Variants in CLIC4 observed in about 807,000 individuals in gnomAD.
CLIC4 encodes chloride intracellular channel protein 4.
A neutral mutation model predicts 24.6 loss-of-function variants in CLIC4; 13 were observed. That is an observed-to-expected ratio of 0.53 (90% CI 0.34 to 0.84). The LOEUF (loss-of-function observed/expected upper bound fraction) is 0.84. CLIC4 is among the 40% of genes least tolerant of loss of function. The pLI is 0.01. For synonymous variants in CLIC4, 104 were observed against 111.3 expected (o/e 0.93, Z 0.41); for missense variants, 227 against 301.7 (o/e 0.75, Z 1.83).
chr1:24,775,607 A>T (rs1639129437), intron 1 of CLIC4, among the ~76,000 whole-genome samples: 1 of 148,390 alleles, frequency 6.7e-6, no homozygotes. Flanking sequence ...TCTACTGTTA[A>T]GCCAATCTAG....
At chr1:24,799,336 C>T (rs1399587570) in intron 2 of CLIC4, among the ~76,000 whole-genome samples, 5 of 151,692 alleles carry the variant, frequency 3.3e-5, no homozygotes, top group Non-Finnish European at 5.9e-5. Context: ...TCTGCCCGGC[C>T]GCAACCCCGT....
intron 3 of CLIC4, among the ~76,000 whole-genome samples, chr1:24,821,198 G>GAA (rs11400541): frequency 9.5e-4 from 138 of 145,316 alleles, no homozygotes; most frequent in African/African-American, 2.9e-3. Flanking sequence ...AAAGAAGAAG[G>GAA]AAAAAAAAAA....
At chr1:24,827,223 C>A in intron 4 of CLIC4, 107 bp downstream of exon 4, 3 of 670,812 alleles carry the variant, frequency 4.5e-6, no homozygotes, top group Non-Finnish European at 7.7e-6. Flanking sequence ...CCAGCCATTC[C>A]CATAAGTAAT....
chr1:24,787,101 T>G (rs750181108), intron 1 of CLIC4, among the ~76,000 whole-genome samples: 36 of 152,176 alleles, frequency 2.4e-4, no homozygotes, highest in Admixed American at 5.2e-4. Context: ...TTTTAAAATT[T>G]TTTGTGGTGA....
intron 1 of CLIC4, among the ~76,000 whole-genome samples, chr1:24,761,292 CAT>C (rs923956871): frequency 1.3e-5 from 2 of 151,928 alleles, no homozygotes; most frequent in Non-Finnish European, 2.9e-5. Context: ...GTTAAAGAAA[CAT>C]ATAAATAAGG....
chr1:24,802,628 C>T (rs1639503347), intron 2 of CLIC4, among the ~76,000 whole-genome samples: 1 of 151,880 alleles, frequency 6.6e-6, no homozygotes, highest in South Asian at 2.1e-4. Context: ...TCCCTACCCC[C>T]TAGTCATCAA....
intron 4 of CLIC4, among the ~76,000 whole-genome samples, chr1:24,836,929 A>C (rs1639891778): frequency 6.6e-6 from 1 of 152,262 alleles, no homozygotes; most frequent in Non-Finnish European, 1.5e-5. Flanking sequence ...AGATTGAAAA[A>C]GAATAAAGTG....
Position 24,779,962 on chromosome 1 carries a change from A to T in CLIC4, c.73-17780A>T, listed in dbSNP as rs549520953. On this transcript the variant is annotated intron_variant, in intron 1 of 5. Transcript: ENST00000374379. ...ATTTATTGTCTTAAATGGAAATCAGATTTTGCCCTTATCTTGCACCCATCA... is the reference window on the plus strand; with the variant it reads ...ATTTATTGTCTTAAATGGAAATCAGTTTTTGCCCTTATCTTGCACCCATCA... Among the ~76,000 whole-genome samples the T allele has an allele frequency of 3.3e-5, 5 of 152,142 alleles. No individual in the cohort carries two copies. In the East Asian group the frequency reaches 9.7e-4, roughly 29 times the overall value.
At chr1:24,769,133 C>T (rs940283383) in intron 1 of CLIC4, among the ~76,000 whole-genome samples, 2 of 151,218 alleles carry the variant, frequency 1.3e-5, no homozygotes, top group African/African-American at 4.8e-5. Context: ...TGTCTCAAAA[C>T]AAAAGAAAAC....
chr1:24,770,224 A>C (rs1413330933), intron 1 of CLIC4, among the ~76,000 whole-genome samples: 1 of 151,792 alleles, frequency 6.6e-6, no homozygotes, highest in African/African-American at 2.4e-5. Context: ...AAAATCATAT[A>C]CTAATTTGTT....
Position 24,842,265 on chromosome 1 carries a change from C to T in CLIC4, c.*1328C>T, listed in dbSNP as rs1483971814. On this transcript the variant is annotated 3_prime_UTR_variant, in exon 6 of 6. Coordinates refer to ENST00000374379, the MANE Select transcript of CLIC4 (RefSeq NM_013943.3). ...CCCTAAACCAGGAATTATTTGTGTT[C>T]TAACAGGAGGATGAACTTGCTGAAA... 1 of 152,018 alleles carries T rather than the reference C, an allele frequency of 6.6e-6. No individual in the cohort carries two copies. The highest frequency in any genetic ancestry group is 1.5e-5 in the Non-Finnish European group (1 of 67,978). 9.4% of individuals were successfully genotyped at this position (152,018 alleles called of 1,614,324 possible).
At chr1:24,804,381 T>G (rs1472033722) in intron 2 of CLIC4, among the ~76,000 whole-genome samples, 1 of 128,258 alleles carries the variant, frequency 7.8e-6, no homozygotes, top group Non-Finnish European at 1.6e-5. Flanking sequence ...TGTGTGTGCA[T>G]GTGTGTGGGT....
At chr1:24,829,401 A>G (rs749488478) in intron 4 of CLIC4, among the ~76,000 whole-genome samples, 38 of 152,208 alleles carry the variant, frequency 2.5e-4, no homozygotes, top group Non-Finnish European at 4.4e-4. Flanking sequence ...TAGATAACAC[A>G]TATATAATTC....
In CLIC4 at chr1:24,797,683, AT is replaced by A. The variant is rs1639419888; in HGVS notation, c.73-58del. ...TCTTGATTAAAATTCAGAAAAAGTT[AT>A]GTCATGTTGAGTATCATCACTTTGA... is the stretch of plus-strand genomic sequence containing the variant. On this transcript the variant is annotated intron_variant, in intron 1 of 5. Coordinates refer to ENST00000374379, the MANE Select transcript of CLIC4 (RefSeq NM_013943.3). 4 of 1,183,546 alleles carry A rather than the reference AT, an allele frequency of 3.4e-6. No homozygotes were observed. In the East Asian group the frequency reaches 1.0e-4, roughly 29 times the overall value. The allele number at this position is 1,183,546 out of a possible 1,614,324, so 73.3% of individuals were successfully genotyped here.
At chr1:24,810,821 C>G (rs567812146) in intron 2 of CLIC4, among the ~76,000 whole-genome samples, 1 of 151,790 alleles carries the variant, frequency 6.6e-6, no homozygotes, top group Non-Finnish European at 1.5e-5. Flanking sequence ...TACGGTGGCT[C>G]ACACCTGTAA....
At chr1:24,767,082 A>C (rs150785085) in intron 1 of CLIC4, among the ~76,000 whole-genome samples, 13 of 151,634 alleles carry the variant, frequency 8.6e-5, no homozygotes, top group African/African-American at 3.1e-4. Context: ...AAACCTTATA[A>C]TGTTTTAAGA....
At chr1:24,774,793 G>A (rs1309814957) in intron 1 of CLIC4, among the ~76,000 whole-genome samples, 3 of 152,134 alleles carry the variant, frequency 2.0e-5, no homozygotes, top group East Asian at 3.8e-4. Flanking sequence ...AAAAAGGACC[G>A]AGGGCAGTGG....
At chr1:24,824,233 CTA>C (rs1639764746) in intron 3 of CLIC4, among the ~76,000 whole-genome samples, 1 of 152,120 alleles carries the variant, frequency 6.6e-6, no homozygotes, top group African/African-American at 2.4e-5. Context: ...AACAAAAACA[CTA>C]GACCTGGGGA....
At chr1:24,784,114 TG>T (rs1193460947) in intron 1 of CLIC4, among the ~76,000 whole-genome samples, 1 of 152,136 alleles carries the variant, frequency 6.6e-6, no homozygotes, top group Admixed American at 6.6e-5. Flanking sequence ...TATTTTCATA[TG>T]TTTTTGATGG....
Sources: gnomAD v4.1 joint callset for allele counts (sites outside exome capture counted in the v4.1 genomes callset) on GRCh38, gnomAD v4.1.1 for gene constraint, MANE v1.5 for transcripts, NCBI Gene and HGNC (gene_info 2026-07-23, HGNC 2026-07-21) for gene names.